The following POFUT3 variants were observed in gnomAD, a reference collection of about 807,000 sequenced individuals.
The protein encoded by POFUT3 is protein O-fucosyltransferase 3, also known as GDP-fucose protein O-fucosyltransferase 3.
At chr8:33,395,074 A>G in the POFUT3 span, among the ~76,000 whole-genome samples, 10 of 152,302 alleles carry the variant, frequency 6.6e-5, no homozygotes, top group African/African-American at 1.2e-4. Flanking sequence ...CTGGCTTGCA[A>G]TTAGGTTTTA....
chr8:33,445,751 A>C, the POFUT3 span, among the ~76,000 whole-genome samples: 1 of 152,188 alleles, frequency 6.6e-6, no homozygotes, highest in South Asian at 2.1e-4. Flanking sequence ...CTGCAGAAAG[A>C]AGCTGGCTGT....
the POFUT3 span, among the ~76,000 whole-genome samples, chr8:33,390,278 T>C: frequency 1.8e-3 from 271 of 151,876 alleles, 1 homozygote; most frequent in African/African-American, 6.3e-3. Context: ...GTCACAAAGC[T>C]TTCACCCCAG....
chr8:33,464,886 G>C, the POFUT3 span, among the ~76,000 whole-genome samples: 5 of 152,178 alleles, frequency 3.3e-5, 2 homozygotes, highest in Admixed American at 3.3e-4. Flanking sequence ...ATGTAGTACA[G>C]TTGTCAGCTA....
chr8:33,470,238 A>T, the POFUT3 span, among the ~76,000 whole-genome samples: 2 of 26,794 alleles, frequency 7.5e-5, no homozygotes, highest in African/African-American at 2.7e-4. Flanking sequence ...CATCTCTACA[A>T]AAAAAAAAAA....
the POFUT3 span, among the ~76,000 whole-genome samples, chr8:33,316,341 G>T: frequency 6.6e-6 from 1 of 152,046 alleles, no homozygotes; most frequent in Non-Finnish European, 1.5e-5. Context: ...TTACTAAGGG[G>T]TAACATCTCC....
the POFUT3 span, among the ~76,000 whole-genome samples, chr8:33,460,972 GTGAAACCACATC>G: frequency 6.6e-6 from 1 of 152,108 alleles, no homozygotes; most frequent in African/African-American, 2.4e-5. Context: ...GGCCAACATG[GTGAAACCACATC>G]TCTATTAATA....
chr8:33,444,160 G>T, the POFUT3 span, among the ~76,000 whole-genome samples: 1 of 151,912 alleles, frequency 6.6e-6, no homozygotes, highest in Non-Finnish European at 1.5e-5. Context: ...TACGGCAGGG[G>T]TTTATGTCCT....
At chr8:33,436,249 A>G in the POFUT3 span, 1 of 1,360,994 alleles carries the variant, frequency 7.3e-7, no homozygotes, top group Non-Finnish European at 1.0e-6. Flanking sequence ...CTCATGCACA[A>G]CAACAGCTCG....
the POFUT3 span, among the ~76,000 whole-genome samples, chr8:33,386,063 C>T: frequency 0.22 from 33,142 of 151,420 alleles, 4,018 homozygotes; most frequent in East Asian, 0.46. Context: ...GTGGCATGCG[C>T]TTGTAATCCC....
At chr8:33,374,446 G>A in the POFUT3 span, among the ~76,000 whole-genome samples, 1 of 152,188 alleles carries the variant, frequency 6.6e-6, no homozygotes, top group Non-Finnish European at 1.5e-5. Flanking sequence ...AAAAGCTTGA[G>A]CAACTGTCCA....
At chr8:33,308,388 G>A in the POFUT3 span, among the ~76,000 whole-genome samples, 1 of 152,170 alleles carries the variant, frequency 6.6e-6, no homozygotes, top group East Asian at 1.9e-4. Context: ...CTGGCTAATG[G>A]TAAGAATGCA....
At chr8:33,315,099 A>G in the POFUT3 span, among the ~76,000 whole-genome samples, 1 of 152,202 alleles carries the variant, frequency 6.6e-6, no homozygotes, top group Admixed American at 6.5e-5. Context: ...GAATGTTTAT[A>G]GAGCATACCT....
the POFUT3 span, among the ~76,000 whole-genome samples, chr8:33,424,979 A>G: frequency 6.6e-6 from 1 of 152,312 alleles, no homozygotes; most frequent in East Asian, 1.9e-4. Flanking sequence ...CTTACAGTAC[A>G]GTGAAAAAGG....
At chr8:33,371,883 A>G in the POFUT3 span, 1 of 152,316 alleles carries the variant, frequency 6.6e-6, no homozygotes, top group Non-Finnish European at 1.5e-5. Context: ...TCTGCGCAGC[A>G]GAAGGGGTAA....
the POFUT3 span, among the ~76,000 whole-genome samples, chr8:33,467,326 C>T: frequency 3.4e-5 from 5 of 148,006 alleles, no homozygotes; most frequent in African/African-American, 1.3e-4. Context: ...GTGGCCAGAG[C>T]ACATTTCTAT....
the POFUT3 span, among the ~76,000 whole-genome samples, chr8:33,415,367 C>T: frequency 6.6e-6 from 1 of 152,144 alleles, no homozygotes; most frequent in Non-Finnish European, 1.5e-5. Flanking sequence ...AGATGTGGAG[C>T]TGGTGGACCC....
chr8:33,363,046 G>A, the POFUT3 span, among the ~76,000 whole-genome samples: 1 of 152,182 alleles, frequency 6.6e-6, no homozygotes, highest in African/African-American at 2.4e-5. Flanking sequence ...AAATGTAAAA[G>A]AACAGAAATC....
chr8:33,335,066 C>A, the POFUT3 span, among the ~76,000 whole-genome samples: 1 of 151,912 alleles, frequency 6.6e-6, no homozygotes, highest in Admixed American at 6.6e-5. Context: ...AATAAGGCAT[C>A]TGAAATGCCT....
chr8:33,437,181 T>A, the POFUT3 span, among the ~76,000 whole-genome samples: 1 of 152,192 alleles, frequency 6.6e-6, no homozygotes, highest in Non-Finnish European at 1.5e-5. Context: ...GCACTTGGAT[T>A]GATTCCATGT....
Sources: gnomAD v4.1 joint callset for allele counts (sites outside exome capture counted in the v4.1 genomes callset) on GRCh38, gnomAD v4.1.1 for gene constraint, MANE v1.5 for transcripts, NCBI Gene and HGNC (gene_info 2026-07-23, HGNC 2026-07-21) for gene names.